CNOT4: variants seen among roughly 807,000 people sequenced by gnomAD.
CNOT4 encodes CCR4-NOT transcription complex subunit 4.
A neutral mutation model predicts 73.8 loss-of-function variants in CNOT4; 8 were observed. The ratio of observed to expected loss-of-function variants is 0.11; its 90% confidence interval spans 0.06 to 0.20. CNOT4 has a LOEUF of 0.20. Among genes scored for constraint, CNOT4 ranks in the 10% least tolerant of loss-of-function variants. CNOT4 has a pLI of 1.00. For missense variants in CNOT4, 564 were observed against 883.4 expected (o/e 0.64, Z 4.58); for synonymous variants, 293 against 321.1 (o/e 0.91, Z 0.94).
At chr7:135,455,276 TA>T (rs1168502259) in intron 1 of CNOT4, among the ~76,000 whole-genome samples, 163 of 126,172 alleles carry the variant, frequency 1.3e-3, no homozygotes, top group Admixed American at 1.6e-3. Context: ...CCTGTTCTCC[TA>T]AAAAAAAAAA....
chr7:135,390,432 T>C (rs1212686921), intron 10 of CNOT4, among the ~76,000 whole-genome samples: 2 of 152,066 alleles, frequency 1.3e-5, no homozygotes, highest in African/African-American at 2.4e-5. Context: ...AGAAGGCATA[T>C]GGTTCCAATA....
intron 10 of CNOT4, among the ~76,000 whole-genome samples, chr7:135,369,625 G>A (rs1326154385): frequency 6.6e-6 from 1 of 152,166 alleles, no homozygotes; most frequent in Non-Finnish European, 1.5e-5. Flanking sequence ...TGGTGCAAGT[G>A]GCTACACATC....
At chr7:135,420,042 AAC>A (rs367594151) in intron 3 of CNOT4, among the ~76,000 whole-genome samples, 2 of 292 alleles carry the variant, frequency 6.8e-3, no homozygotes, top group South Asian at 0.045. Context: ...AAAAACAAAC[AAC>A]AACAAAAACC....
intron 1 of CNOT4, chr7:135,509,014 C>G (rs1014775698): frequency 6.6e-6 from 1 of 152,188 alleles, no homozygotes; most frequent in Non-Finnish European, 1.5e-5. Flanking sequence ...GAAAACGGTC[C>G]TCTCCGGAGT....
intron 10 of CNOT4, chr7:135,387,179 T>C (rs1298051438): frequency 1.0e-5 from 10 of 982,616 alleles, no homozygotes; most frequent in Admixed American, 6.1e-5. Flanking sequence ...CAGTATTTTA[T>C]TGGCATTTTC....
At chr7:135,419,720 A>G (rs887082403) in intron 3 of CNOT4, among the ~76,000 whole-genome samples, 1 of 152,140 alleles carries the variant, frequency 6.6e-6, no homozygotes, top group African/African-American at 2.4e-5. Context: ...TAATCTTACT[A>G]GAGTTACTTG....
Position 135,370,057 on chromosome 7 carries a change from T to C in CNOT4, c.1628-5991A>G, listed in dbSNP as rs546675795. Reference sequence around the variant, plus strand: ...AGTAAATGAATTGTTACAGACATTATAAAATCAGTTTATGAAAAATGTTAT... The same window carrying C: ...AGTAAATGAATTGTTACAGACATTACAAAATCAGTTTATGAAAAATGTTAT... On this transcript the variant is annotated intron_variant, in intron 10 of 11. Coordinates refer to ENST00000541284, the MANE Select transcript of CNOT4 (RefSeq NM_001190850.2). Among the ~76,000 whole-genome samples, 26 of 152,338 alleles carry C rather than the reference T, an allele frequency of 1.7e-4. No homozygotes were observed. The South Asian group carries it at 5.4e-3, about 32-fold the overall frequency.
chr7:135,440,385 T>C (rs555045635), intron 1 of CNOT4, among the ~76,000 whole-genome samples: 4 of 151,314 alleles, frequency 2.6e-5, no homozygotes, highest in South Asian at 2.1e-4. Flanking sequence ...TCACCCAAAG[T>C]AGAGAAGTAG....
chr7:135,449,341 C>T (rs1038595783), intron 1 of CNOT4, among the ~76,000 whole-genome samples: 6 of 152,102 alleles, frequency 3.9e-5, no homozygotes, highest in African/African-American at 1.2e-4. Context: ...TACTTTATAA[C>T]GAAACTGTAC....
intron 1 of CNOT4, among the ~76,000 whole-genome samples, chr7:135,451,758 T>C (rs896179549): frequency 2.6e-5 from 4 of 152,216 alleles, no homozygotes; most frequent in Admixed American, 2.0e-4. Context: ...ATCTATGTGT[T>C]TTTGCAAAGA....
intron 1 of CNOT4, among the ~76,000 whole-genome samples, chr7:135,462,012 GAA>G (rs1375926652): frequency 6.6e-6 from 1 of 150,728 alleles, no homozygotes; most frequent in African/African-American, 2.4e-5. Context: ...TTTATTAAAA[GAA>G]AGAATATCCG....
At chr7:135,382,676 T>C (rs1019300716) in intron 10 of CNOT4, among the ~76,000 whole-genome samples, 2 of 151,976 alleles carry the variant, frequency 1.3e-5, no homozygotes, top group Non-Finnish European at 2.9e-5. Context: ...TTTTAAAAAA[T>C]TGTGTAATTT....
chr7:135,499,070 A>C (rs747837914), intron 1 of CNOT4, among the ~76,000 whole-genome samples: 9 of 152,182 alleles, frequency 5.9e-5, no homozygotes, highest in Non-Finnish European at 1.0e-4. Flanking sequence ...TTTTTTCATA[A>C]AACAATCCTG....
At chr7:135,441,051 A>G (rs1352237227) in intron 1 of CNOT4, among the ~76,000 whole-genome samples, 2 of 152,258 alleles carry the variant, frequency 1.3e-5, no homozygotes, top group Non-Finnish European at 2.9e-5. Flanking sequence ...TTTAAAGAAC[A>G]GCAAGTATGA....
At chr7:135,408,896 G>T (rs1797448223) in intron 7 of CNOT4, among the ~76,000 whole-genome samples, 1 of 152,140 alleles carries the variant, frequency 6.6e-6, no homozygotes, top group Non-Finnish European at 1.5e-5. Flanking sequence ...TCAATGAAAA[G>T]CTCTGGGTAT....
intron 1 of CNOT4, among the ~76,000 whole-genome samples, chr7:135,493,536 G>A (rs1803254733): frequency 1.3e-5 from 2 of 152,244 alleles, no homozygotes; most frequent in South Asian, 4.1e-4. Flanking sequence ...ATTCCACTGG[G>A]TTGCACAATG....
At chr7:135,476,605 G>C (rs1216057317) in intron 1 of CNOT4, among the ~76,000 whole-genome samples, 1 of 152,176 alleles carries the variant, frequency 6.6e-6, no homozygotes, top group Non-Finnish European at 1.5e-5. Context: ...TGGCCCAGGA[G>C]ATTGAGGCTG....
intron 2 of CNOT4, among the ~76,000 whole-genome samples, chr7:135,433,195 C>T (rs1236507045): frequency 6.6e-6 from 1 of 152,048 alleles, no homozygotes; most frequent in Non-Finnish European, 1.5e-5. Flanking sequence ...AATCTCTTCT[C>T]CCAAATATTT....
intron 1 of CNOT4, among the ~76,000 whole-genome samples, chr7:135,470,135 T>G (rs1183495262): frequency 6.6e-6 from 1 of 150,474 alleles, no homozygotes; most frequent in African/African-American, 2.5e-5. Context: ...GTGTGTTTTT[T>G]TGGGGGGGGA....
Sources: gnomAD v4.1 joint callset for allele counts (sites outside exome capture counted in the v4.1 genomes callset) on GRCh38, gnomAD v4.1.1 for gene constraint, MANE v1.5 for transcripts, NCBI Gene and HGNC (gene_info 2026-07-23, HGNC 2026-07-21) for gene names.